Variants in PEBP4 observed in about 807,000 individuals in gnomAD.
PEBP4 encodes the protein phosphatidylethanolamine-binding protein 4.
A neutral mutation model predicts 23.9 loss-of-function variants in PEBP4; 22 were observed. The ratio of observed to expected loss-of-function variants is 0.92; its 90% confidence interval spans 0.66 to 1.31. PEBP4 has a LOEUF of 1.31. Among genes scored for constraint, PEBP4 ranks in the 40% most tolerant of loss-of-function variants. The pLI, the probability that PEBP4 is intolerant of heterozygous loss-of-function variation, is 0.00. For missense variants in PEBP4, 324 were observed against 281.7 expected, an observed-to-expected ratio of 1.15 and a Z score of -1.07; for synonymous variants, 112 against 99.3, an observed-to-expected ratio of 1.13 and a Z score of -0.76.
chr8:22,871,321 A>G (rs186448431), intron 3 of PEBP4, among the ~76,000 whole-genome samples: 112 of 152,220 alleles, frequency 7.4e-4, no homozygotes, highest in Middle Eastern at 3.4e-3. Context: ...GTTGTGGGAA[A>G]TGTAGTTTCA....
chr8:22,857,160 AT>A (rs1209590643), intron 3 of PEBP4, among the ~76,000 whole-genome samples: 2 of 151,634 alleles, frequency 1.3e-5, no homozygotes. Context: ...GGGACATTTA[AT>A]TTTTTTCCCT....
At chr8:22,777,750 C>T (rs780346602) in intron 4 of PEBP4, among the ~76,000 whole-genome samples, 16 of 152,146 alleles carry the variant, frequency 1.1e-4, no homozygotes, top group Non-Finnish European at 1.5e-4. Flanking sequence ...GGAGAGAATC[C>T]GACCATGAGG....
At chr8:22,720,677 C>T (rs377737222) in intron 6 of PEBP4, among the ~76,000 whole-genome samples, 13 of 152,304 alleles carry the variant, frequency 8.5e-5, no homozygotes, top group South Asian at 2.1e-4. Flanking sequence ...TGACGCTGGC[C>T]GGCCAGCCCT....
intron 4 of PEBP4, among the ~76,000 whole-genome samples, chr8:22,796,241 G>A (rs1228255615): frequency 6.7e-6 from 1 of 148,818 alleles, no homozygotes; most frequent in Non-Finnish European, 1.5e-5. Flanking sequence ...AGTTTTCTCA[G>A]CAATTCTCAA....
chr8:22,876,151 T>C (rs1808117437), intron 3 of PEBP4, among the ~76,000 whole-genome samples: 1 of 152,190 alleles, frequency 6.6e-6, no homozygotes, highest in Admixed American at 6.5e-5. Flanking sequence ...CCTCAAGTGA[T>C]ACACCAGCCT....
chr8:22,745,800 G>A (rs1036435949), intron 4 of PEBP4: 9 of 152,296 alleles, frequency 5.9e-5, no homozygotes, highest in Admixed American at 1.3e-4. Flanking sequence ...CTCACATCCC[G>A]AGAGCCTGCC....
At chr8:22,921,081 G>A (rs565823834) in intron 2 of PEBP4, among the ~76,000 whole-genome samples, 91 of 152,368 alleles carry the variant, frequency 6.0e-4, no homozygotes, top group Admixed American at 1.8e-3. Context: ...AGGGCAGGCC[G>A]GGCTGGGCCA....
chr8:22,770,438 G>A lies in PEBP4; in HGVS notation c.358-43218C>T, dbSNP rs115291238. Among the ~76,000 whole-genome samples, 873 of 152,324 alleles carry A rather than the reference G, an allele frequency of 5.7e-3. 8 individuals are homozygous for A. The highest frequency in any genetic ancestry group is 0.02 in the African/African-American group (830 of 41,560). On this transcript the variant is annotated intron_variant, in intron 4 of 6. Coordinates refer to ENST00000256404, the MANE Select transcript of PEBP4 (RefSeq NM_144962.3). ...GTTCGATGCCCCTCTGGCCTTGGCCGAAGCTGCATCCTGTCCTCTCTCTCC... is the reference window on the plus strand; with the variant it reads ...GTTCGATGCCCCTCTGGCCTTGGCCAAAGCTGCATCCTGTCCTCTCTCTCC...
intron 4 of PEBP4, among the ~76,000 whole-genome samples, chr8:22,755,100 C>G (rs1265646438): frequency 6.6e-6 from 1 of 152,176 alleles, no homozygotes; most frequent in Non-Finnish European, 1.5e-5. Context: ...GTTTCGAAAC[C>G]ACTCCTGAGT....
chr8:22,779,525 A>G (rs1017232125), intron 4 of PEBP4, among the ~76,000 whole-genome samples: 1 of 152,070 alleles, frequency 6.6e-6, no homozygotes, highest in Non-Finnish European at 1.5e-5. Flanking sequence ...CCACACCCCC[A>G]TTATATGGAG....
rs1292802067 is a variant in PEBP4 at position 22,827,190 on chromosome 8, A to C, written c.259-9455T>G. Among the ~76,000 whole-genome samples the C allele has an allele frequency of 2.0e-5, 3 of 152,222 alleles. No individual in the cohort carries two copies. The East Asian group carries it at 5.8e-4, about 29-fold the overall frequency. ...ATGATGATGACATAGAAACAGAATT[A>C]GATCTGGATTTGTCCAGATAAAGTT... On this transcript the variant is annotated intron_variant, in intron 3 of 6. Transcript: ENST00000256404.
chr8:22,790,068 A>G (rs781242279), intron 4 of PEBP4, among the ~76,000 whole-genome samples: 3 of 152,184 alleles, frequency 2.0e-5, no homozygotes, highest in Non-Finnish European at 4.4e-5. Flanking sequence ...ATAGCCTGCT[A>G]GCAGATCTCC....
intron 6 of PEBP4, among the ~76,000 whole-genome samples, chr8:22,720,945 G>A (rs2128748131): frequency 6.6e-6 from 1 of 152,332 alleles, no homozygotes; most frequent in South Asian, 2.1e-4. Context: ...AATGCAGAAG[G>A]CATTACTGAG....
At position 22,766,401 on chromosome 8, in the gene PEBP4, C is replaced by T. The variant is rs570109984; in HGVS notation, c.358-39181G>A. Among the ~76,000 whole-genome samples, 26 of 152,380 alleles carry T rather than the reference C, an allele frequency of 1.7e-4. No homozygotes were observed. In the East Asian group the frequency reaches 4.2e-3, roughly 25 times the overall value. The stretch of plus-strand genomic sequence containing the variant: ...AGCCCCTTGGCGATAACATAACCCT[C>T]TGTGCACTGGCTTTCTCATTTGCAA... On this transcript the variant is annotated intron_variant, in intron 4 of 6. Transcript: ENST00000256404.
intron 3 of PEBP4, chr8:22,883,811 T>A (rs1165033109): frequency 1.3e-5 from 2 of 152,196 alleles, no homozygotes; most frequent in African/African-American, 4.8e-5. Flanking sequence ...TTGTCATTTG[T>A]TGAATCATTT....
intron 4 of PEBP4, among the ~76,000 whole-genome samples, chr8:22,776,568 G>A (rs907630873): frequency 2.6e-5 from 4 of 151,556 alleles, no homozygotes; most frequent in Non-Finnish European, 4.4e-5. Context: ...CTCCTCCCAC[G>A]GGTTTCTCCA....
chr8:22,781,403 C>A (rs1805912572), intron 4 of PEBP4, among the ~76,000 whole-genome samples: 1 of 152,212 alleles, frequency 6.6e-6, no homozygotes, highest in Non-Finnish European at 1.5e-5. Context: ...CCCACACTTC[C>A]TCAGGGATCG....
chr8:22,762,603 C>T (rs930759502), intron 4 of PEBP4, among the ~76,000 whole-genome samples: 3 of 152,146 alleles, frequency 2.0e-5, no homozygotes, highest in Non-Finnish European at 4.4e-5. Flanking sequence ...GGTTTCTTCT[C>T]GGTCAGGCCT....
intron 1 of PEBP4, among the ~76,000 whole-genome samples, chr8:22,935,251 T>C (rs1335091955): frequency 6.6e-6 from 1 of 152,220 alleles, no homozygotes; most frequent in Non-Finnish European, 1.5e-5. Context: ...CTGGGCATGG[T>C]GGCTCACACC....
Sources: allele counts gnomAD v4.1 joint callset (sites outside exome capture counted in the v4.1 genomes callset), GRCh38; gene constraint gnomAD v4.1.1; transcripts MANE v1.5; gene names NCBI Gene and HGNC (gene_info 2026-07-23, HGNC 2026-07-21).